The following IDO2 variants were observed in gnomAD, a reference collection of about 807,000 sequenced individuals.
IDO2 encodes the protein indoleamine 2,3-dioxygenase-like 1 protein.
IDO2 carries 46 observed loss-of-function variants against 45.1 expected under a neutral mutation model. The ratio of observed to expected loss-of-function variants is 1.02; its 90% CI spans 0.80 to 1.30. IDO2 has a LOEUF of 1.30. IDO2 is among the 50% of genes most tolerant of loss of function. IDO2 has a pLI of 0.00. For synonymous variants in IDO2, 218 were observed against 184.9 expected, an observed-to-expected ratio of 1.18 and a Z score of -1.45; for missense variants, 544 against 491.8, an observed-to-expected ratio of 1.11 and a Z score of -1.00.
intron 6 of IDO2, 119 bp from the exon 7 acceptor site, chr8:39,987,752 G>T: frequency 1.6e-6 from 1 of 632,092 alleles, no homozygotes. Flanking sequence ...CTTACGGAGA[G>T]GAGAAAGTTG....
rs371157943 is a variant in IDO2 at position 39,987,838 on chromosome 8, C to T, written c.450-33C>T. 106 of 1,318,792 alleles carry T rather than the reference C, an allele frequency of 8.0e-5. No individual in the cohort carries two copies. In the Middle Eastern group the frequency reaches 1.5e-3, roughly 18 times the overall value. 81.7% of individuals were successfully genotyped at this position (1,318,792 alleles called of 1,614,324 possible). On this transcript the variant is annotated intron_variant, in intron 6 of 10. Coordinates refer to ENST00000502986, the Ensembl canonical transcript of IDO2. ...GTGAGTACTCACGGTACAGTCTCCACACCTCTAATCATGTGCTCCTCTCCT... is the reference window on the plus strand; with the variant it reads ...GTGAGTACTCACGGTACAGTCTCCATACCTCTAATCATGTGCTCCTCTCCT...
In IDO2 at chr8:39,942,617, G is replaced by A. The variant is rs138409906; in HGVS notation, c.-17-6532G>A. Among the ~76,000 whole-genome samples, 32 of 135,214 alleles carry A rather than the reference G, an allele frequency of 2.4e-4. No individual in the cohort carries two copies. The East Asian group carries it at 6.4e-3, about 27-fold the overall frequency. The allele number at this position is 135,214 out of a possible 152,430, so 88.7% of individuals were successfully genotyped here. On this transcript the variant is annotated intron_variant, in intron 1 of 10. Transcript: ENST00000502986. ...ATCAAGCCACGGCACTCCAGCCTGG[G>A]TGACAGAATGAGACTCTGTATAACA...
At chr8:39,985,139 C>A in intron 5 of IDO2, 1 of 317,336 alleles carries the variant, frequency 3.2e-6, no homozygotes. Context: ...CCACGTTGGC[C>A]AGTCTGGTAT....
chr8:39,939,136 G>A (rs1324365837), intron 1 of IDO2, among the ~76,000 whole-genome samples: 1 of 151,816 alleles, frequency 6.6e-6, no homozygotes, highest in African/African-American at 2.4e-5. Context: ...CCTGCTACTC[G>A]GGAGTCTGAG....
intron 4 of IDO2, among the ~76,000 whole-genome samples, chr8:39,979,879 G>A (rs962647154): frequency 1.3e-5 from 2 of 152,138 alleles, no homozygotes; most frequent in East Asian, 3.8e-4. Flanking sequence ...GAGTGCAGTG[G>A]TGCAATCATA....
At chr8:39,995,191 TCTTCTTCTTCTCCTTCTC>T (rs1802016556) in intron 8 of IDO2, 1 of 80,952 alleles carries the variant, frequency 1.2e-5, no homozygotes, top group African/African-American at 5.7e-5. Context: ...TTCTTCTTCT[TCTTCTTCTTCTCCTTCTC>T]CTTCTCCTTC....
At chr8:39,979,027 C>A (rs1164895611) in intron 3 of IDO2, 40 bp from the exon 4 acceptor site, 14 of 1,552,780 alleles carry the variant, frequency 9.0e-6, no homozygotes, top group Non-Finnish European at 1.1e-5. Context: ...TGTCCCGGTT[C>A]CCATCCCTCC....
chr8:39,945,372 C>T (rs1041053401), intron 1 of IDO2, among the ~76,000 whole-genome samples: 1 of 152,210 alleles, frequency 6.6e-6, no homozygotes, highest in Admixed American at 6.5e-5. Context: ...AAATGGCAGC[C>T]TTAGCATGAT....
At chr8:40,010,082 G>T (rs1314370805) in intron 9 of IDO2, among the ~76,000 whole-genome samples, 1 of 152,030 alleles carries the variant, frequency 6.6e-6, no homozygotes, top group Non-Finnish European at 1.5e-5. Flanking sequence ...TCTAATAAAA[G>T]CGTCATACAA....
chr8:39,961,063 G>GT (rs1807988931), intron 2 of IDO2, among the ~76,000 whole-genome samples: 1 of 152,156 alleles, frequency 6.6e-6, no homozygotes. Context: ...GATTATAGGC[G>GT]TGAGCCACCG....
intron 3 of IDO2, among the ~76,000 whole-genome samples, chr8:39,965,376 A>T (rs1313107067): frequency 6.6e-6 from 1 of 152,134 alleles, no homozygotes; most frequent in Non-Finnish European, 1.5e-5. Flanking sequence ...AGTCCCAGCT[A>T]TTTGGGAGGC....
chr8:39,978,531 A>G (rs1429088296), intron 3 of IDO2, among the ~76,000 whole-genome samples: 3 of 151,942 alleles, frequency 2.0e-5, no homozygotes, highest in African/African-American at 7.3e-5. Flanking sequence ...CAACAGGGCT[A>G]TAGGCATGGA....
chr8:40,001,784 A>G (rs1457782064), intron 8 of IDO2, among the ~76,000 whole-genome samples: 1 of 151,962 alleles, frequency 6.6e-6, no homozygotes, highest in African/African-American at 2.4e-5. Flanking sequence ...CATAAGTCAT[A>G]AATACTTTTT....
chr8:39,962,324 T>C lies in IDO2; in HGVS notation c.100-1284T>C, dbSNP rs1275528234. 2.0e-5 allele frequency among the ~76,000 whole-genome samples: 3 copies of C among 152,232 alleles called. No individual in the cohort carries two copies. The East Asian group carries it at 5.8e-4, about 29-fold the overall frequency. On this transcript the variant is annotated intron_variant, in intron 2 of 10. Coordinates refer to ENST00000502986, the Ensembl canonical transcript of IDO2. ...CTTCTCCTTTCCAAATTCACTGTCATTACCTAAGTTTAGTCCTTGAACAAT... is the reference window on the plus strand; with the variant it reads ...CTTCTCCTTTCCAAATTCACTGTCACTACCTAAGTTTAGTCCTTGAACAAT...
intron 2 of IDO2, among the ~76,000 whole-genome samples, chr8:39,953,993 C>T (rs1472577109): frequency 2.6e-5 from 4 of 152,124 alleles, no homozygotes; most frequent in Non-Finnish European, 2.9e-5. Flanking sequence ...GCCATTTGTT[C>T]TCTCTCTCTA....
rs554411529 is a variant in IDO2 at position 39,935,014 on chromosome 8, T to C, written c.-222T>C. The C allele has an allele frequency of 3.7e-5, 26 of 700,192 alleles. No individual in the cohort carries two copies. The South Asian group carries it at 3.9e-4, about 10-fold the overall frequency. 43.4% of individuals were successfully genotyped at this position (700,192 alleles called of 1,614,324 possible). On this transcript the variant is annotated 5_prime_UTR_variant, in exon 1 of 11. It removes an upstream start codon present in the reference 5' UTR. Coordinates refer to ENST00000502986, the Ensembl canonical transcript of IDO2. ...CAGAGAGTCCACAATGAGATGAAAA[T>C]GCACTGCCAGTTGAAACATCCTCCT...
intron 1 of IDO2, among the ~76,000 whole-genome samples, chr8:39,944,001 G>A (rs565501955): frequency 1.3e-5 from 2 of 152,186 alleles, no homozygotes; most frequent in East Asian, 3.9e-4. Flanking sequence ...GCTCCTAGAT[G>A]TCTCATAAGG....
intron 3 of IDO2, among the ~76,000 whole-genome samples, chr8:39,964,995 G>A (rs750745086): frequency 6.6e-5 from 10 of 152,182 alleles, no homozygotes; most frequent in Non-Finnish European, 1.5e-4. Flanking sequence ...TTGGCAAGAG[G>A]GCAGGTTAGA....
At position 39,963,592 on chromosome 8, in the gene IDO2, T is replaced by C; in HGVS notation, c.100-16T>C. 6.6e-7 allele frequency: 1 copy of C among 1,522,498 alleles called. No homozygotes were observed. Among genetic ancestry groups the C allele is most frequent in the Non-Finnish European group, 9.0e-7 (1 of 1,105,126 alleles). The allele number at this position is 1,522,498 out of a possible 1,614,324, so 94.3% of individuals were successfully genotyped here. A position where few individuals can be genotyped will look rare whatever the true frequency, so the allele number is the denominator to read the frequency against. On this transcript the variant is annotated splice_polypyrimidine_tract_variant and intron_variant, in intron 2 of 10. Transcript: ENST00000502986. ...GAGAGGTCTAAAATATTTACATGTT[T>C]CTATTTTAAATGCAGAAAGAACTTC... is the stretch of plus-strand genomic sequence containing the variant.
Sources: allele counts gnomAD v4.1 joint callset (sites outside exome capture counted in the v4.1 genomes callset), GRCh38; gene constraint gnomAD v4.1.1; transcripts MANE v1.5; gene names NCBI Gene and HGNC (gene_info 2026-07-23, HGNC 2026-07-21).